NCOA2: variants seen among roughly 807,000 people sequenced by gnomAD.
The protein encoded by NCOA2 is class E basic helix-loop-helix protein 75.
A neutral mutation model predicts 145.1 loss-of-function variants in NCOA2; 21 were observed. That is an observed-to-expected ratio of 0.14 (90% CI 0.10 to 0.21). The LOEUF is 0.21. Among genes scored for constraint, NCOA2 ranks in the 10% least tolerant of loss-of-function variants. The probability of loss-of-function intolerance (pLI) is 1.00; values close to 1 mark genes in which losing one functional copy is unlikely to be tolerated. For synonymous variants in NCOA2, 619 were observed against 637.5 expected (o/e 0.97, Z 0.44); for missense variants, 1,472 against 1,837.6 (o/e 0.80, Z 3.64).
intron 2 of NCOA2, among the ~76,000 whole-genome samples, chr8:70,285,360 T>C (rs908550410): frequency 8.5e-5 from 13 of 152,242 alleles, no homozygotes; most frequent in African/African-American, 3.1e-4. Flanking sequence ...AGTGCTCACA[T>C]ACTTCAGCTA....
At chr8:70,394,924 C>T (rs927355314) in intron 1 of NCOA2, among the ~76,000 whole-genome samples, 9 of 152,184 alleles carry the variant, frequency 5.9e-5, no homozygotes, top group South Asian at 4.1e-4. Context: ...TTGGGTTAAG[C>T]GATCTTAACA....
At chr8:70,417,851 C>T in the NCOA2 span, among the ~76,000 whole-genome samples, 4,747 of 152,174 alleles carry the variant, frequency 0.031, 238 homozygotes, top group African/African-American at 0.11. Context: ...GACTAGTTTC[C>T]CCTGGCAATC....
At position 70,148,392 on chromosome 8, in the gene NCOA2, G is replaced by A; in HGVS notation, c.2486C>T (p.Ala829Val). 6.2e-7 allele frequency: 1 copy of A among 1,613,972 alleles called. No homozygotes were observed. Residue 829 changes from alanine (A) to valine (V), a missense_variant, in exon 12 of 23, where the codon GCC becomes GTC. This residue lies in a region of NCOA2 where 953 missense variants were observed against 1,062.1 expected (regional missense o/e 0.90). Transcript: ENST00000452400. ...TTGCTTGTCAACTGATCCAGCAGGG[G>A]CGCCTGGCCTCGTGTCTGGGAAAAG... ...PQLFPDTRPGAPAGSVDKQAI... is the reference protein window; with the variant it reads ...PQLFPDTRPGVPAGSVDKQAI...
At chr8:70,151,132 CT>C (rs1254908028) in intron 11 of NCOA2, among the ~76,000 whole-genome samples, 1 of 152,080 alleles carries the variant, frequency 6.6e-6, no homozygotes, top group African/African-American at 2.4e-5. Context: ...CTGCAGATTA[CT>C]TTTAAGAGAA....
chr8:70,123,036 G>A (rs1807994410), intron 21 of NCOA2, among the ~76,000 whole-genome samples: 1 of 152,130 alleles, frequency 6.6e-6, no homozygotes, highest in Non-Finnish European at 1.5e-5. Flanking sequence ...TAAATACCAT[G>A]GTACAATTAT....
At chr8:70,167,217 G>A (rs1374103591) in intron 6 of NCOA2, among the ~76,000 whole-genome samples, 1 of 152,222 alleles carries the variant, frequency 6.6e-6, no homozygotes. Context: ...GGCACCAAAT[G>A]TAGTGCACGT....
At chr8:70,362,652 A>C (rs544233951) in intron 1 of NCOA2, among the ~76,000 whole-genome samples, 1 of 152,316 alleles carries the variant, frequency 6.6e-6, no homozygotes, top group East Asian at 1.9e-4. Context: ...ACCTGGCAAT[A>C]CCAAGTGCTG....
intron 1 of NCOA2, among the ~76,000 whole-genome samples, chr8:70,335,736 T>A (rs769551230): frequency 1.3e-5 from 2 of 152,136 alleles, no homozygotes; most frequent in Non-Finnish European, 2.9e-5. Context: ...TTCCAAGAAA[T>A]GCATCGTTAG....
chr8:70,258,845 G>A (rs527873476), intron 2 of NCOA2, among the ~76,000 whole-genome samples: 5 of 152,278 alleles, frequency 3.3e-5, no homozygotes, highest in African/African-American at 1.2e-4. Flanking sequence ...ATCTAACATA[G>A]TTCTTAACAT....
chr8:70,376,953 T>C (rs1316230000), intron 1 of NCOA2, among the ~76,000 whole-genome samples: 6 of 152,330 alleles, frequency 3.9e-5, no homozygotes, highest in African/African-American at 1.2e-4. Context: ...CCCCAAGCTT[T>C]AGCTAACACT....
rs901231401 is a variant in NCOA2 at position 70,111,487 on chromosome 8, C to G, written c.*2145G>C. 9.1e-6 allele frequency: 2 copies of G among 218,754 alleles called. No homozygotes were observed. Among genetic ancestry groups the G allele is most frequent in the Non-Finnish European group, 1.8e-5 (2 of 109,052 alleles). 13.6% of individuals were successfully genotyped at this position (218,754 alleles called of 1,614,324 possible). On this transcript the variant is annotated 3_prime_UTR_variant, in exon 23 of 23. Coordinates refer to ENST00000452400, the MANE Select transcript of NCOA2 (RefSeq NM_006540.4). ...CAACATCTGCTTGTTTTTTCCATCACAGTTGGGCAACCCAATGGTTTGGTG... is the reference window on the plus strand; with the variant it reads ...CAACATCTGCTTGTTTTTTCCATCAGAGTTGGGCAACCCAATGGTTTGGTG...
chr8:70,207,862 C>CAAAAAAAAAAAAAAAAAAAAAAAAAA, intron 4 of NCOA2, among the ~76,000 whole-genome samples: 1 of 36,182 alleles, frequency 2.8e-5, no homozygotes, highest in Admixed American at 3.4e-4. Flanking sequence ...GACTCCACCT[C>CAAAAAAAAAAAAAAAAAAAAAAAAAA]AAAAAAAAAA....
intron 9 of NCOA2, among the ~76,000 whole-genome samples, chr8:70,161,465 T>C (rs41391448): frequency 0.056 from 8,522 of 152,222 alleles, 313 homozygotes; most frequent in East Asian, 0.16. Context: ...ACACAAGTTG[T>C]TGGATTATGC....
At chr8:70,360,628 T>A (rs1028218054) in intron 1 of NCOA2, among the ~76,000 whole-genome samples, 2 of 152,112 alleles carry the variant, frequency 1.3e-5, no homozygotes, top group Non-Finnish European at 2.9e-5. Flanking sequence ...GACTGCAATA[T>A]AATCTGTCAT....
At chr8:70,274,043 G>A (rs1471844703) in intron 2 of NCOA2, among the ~76,000 whole-genome samples, 5 of 152,088 alleles carry the variant, frequency 3.3e-5, no homozygotes, top group Non-Finnish European at 7.4e-5. Context: ...TTCATTCTTT[G>A]CAGCTAATTA....
rs962861951 is a variant in NCOA2, at chr8:70,388,791, A to G, written c.-77+14909T>C. Among the ~76,000 whole-genome samples the G allele has an allele frequency of 3.3e-5, 5 of 152,128 alleles. 1 individual carries two copies. The East Asian group carries it at 7.7e-4, about 23-fold the overall frequency. On this transcript the variant is annotated intron_variant, in intron 1 of 22. Coordinates refer to ENST00000452400, the MANE Select transcript of NCOA2 (RefSeq NM_006540.4). ...CACGCACACACACACACGCAGACAG[A>G]AAGAGGTCTCAGGGAACAAAGATGA...
chr8:70,149,166 G>C (rs185331998), intron 11 of NCOA2, among the ~76,000 whole-genome samples: 15 of 151,522 alleles, frequency 9.9e-5, no homozygotes, highest in Admixed American at 3.3e-4. Context: ...AGGGAAGCAG[G>C]ATAAAAACTG....
chr8:70,163,689 A>T (rs1329098280), intron 7 of NCOA2, 123 bp from the exon 8 acceptor site: 1 of 675,316 alleles, frequency 1.5e-6, no homozygotes, highest in African/African-American at 1.8e-5. Context: ...GTGATGAAAC[A>T]CTATGTACCT....
In NCOA2 at chr8:70,214,062, T is replaced by G; in HGVS notation, c.100A>C (p.Thr34Pro). 1 of 1,603,872 alleles carries G rather than the reference T, an allele frequency of 6.2e-7. No individual in the cohort carries two copies. Among genetic ancestry groups the G allele is most frequent in the Non-Finnish European group, 8.5e-7 (1 of 1,177,856 alleles). ...DQLGPSPKRN[T>P]EKRNREQENK... ...TCCTGTTCACGATTACGTTTTTCAGTGTTCCTTTTGGGGCTTAAAAGAAGA... is the reference window on the plus strand; with the variant it reads ...TCCTGTTCACGATTACGTTTTTCAGGGTTCCTTTTGGGGCTTAAAAGAAGA... Residue 34 changes from threonine to proline, a missense_variant, in exon 4 of 23, where the codon ACT (threonine) becomes CCT (proline). Thr to Pro is a conservative substitution (Grantham distance 38). Around this residue, in one of 4 missense-constraint regions of NCOA2, gnomAD observed 284 missense variants for 467.8 expected, o/e 0.61. Transcript: ENST00000452400.
Sources: allele counts gnomAD v4.1 joint callset (sites outside exome capture counted in the v4.1 genomes callset), GRCh38; gene constraint gnomAD v4.1.1; regional missense constraint gnomAD v4.1.1; transcripts MANE v1.5; gene names NCBI Gene and HGNC (gene_info 2026-07-23, HGNC 2026-07-21).